ZCCHC17: variants seen among roughly 807,000 people sequenced by gnomAD.
ZCCHC17 encodes the protein zinc finger CCHC-type containing 17.
A neutral mutation model predicts 30.6 loss-of-function variants in ZCCHC17; 18 were observed. The ratio of observed to expected loss-of-function variants is 0.59; its 90% CI spans 0.41 to 0.87. The LOEUF (loss-of-function observed/expected upper bound fraction) is 0.87, where lower values mean the gene tolerates loss of function less well. ZCCHC17 is among the 40% of genes least tolerant of loss of function. The probability of loss-of-function intolerance (pLI) is 0.00; values close to 1 mark genes in which losing one functional copy is unlikely to be tolerated. For missense variants in ZCCHC17, 263 were observed against 284.2 expected, an observed-to-expected ratio of 0.93 and a Z score of 0.54; for synonymous variants, 88 against 92.4, an observed-to-expected ratio of 0.95 and a Z score of 0.27.
chr1:31,299,437 T>C (rs764541287), intron 1 of ZCCHC17, among the ~76,000 whole-genome samples: 3 of 152,264 alleles, frequency 2.0e-5, no homozygotes, highest in South Asian at 4.1e-4. Context: ...TAACCTCTAA[T>C]ATGTCTTCTC....
In ZCCHC17 at chr1:31,319,128, A is replaced by G. The variant is rs771090105; in HGVS notation, c.86A>G (p.Tyr29Cys). The part of the protein sequence containing the change: ...FQGEVAMVTD[Y>C]GAFIKIPGCR... ...TTATAGGTTGCTATGGTGACAGACT[A>G]TGGGGCCTTTATCAAAATCCCAGGC... The change falls in exon 3 of 8, where the codon TAT becomes TGT. Residue 29 changes from tyrosine to cysteine, a missense_variant. Physicochemically the swap from Tyr to Cys is radical, Grantham distance 194 (BLOSUM62 -2). Coordinates refer to ENST00000344147, the MANE Select transcript of ZCCHC17 (RefSeq NM_016505.4). 1.8e-5 allele frequency: 29 copies of G among 1,611,212 alleles called. No individual in the cohort carries two copies. The highest frequency in any genetic ancestry group is 2.1e-5 in the Non-Finnish European group (25 of 1,177,998).
At chr1:31,353,215 C>G (rs1239406045) in intron 7 of ZCCHC17, among the ~76,000 whole-genome samples, 1 of 152,022 alleles carries the variant, frequency 6.6e-6, no homozygotes, top group African/African-American at 2.4e-5. Flanking sequence ...TTTGCATAAG[C>G]TTGTTTATTT....
intron 5 of ZCCHC17, among the ~76,000 whole-genome samples, chr1:31,339,475 T>G (rs1054972846): frequency 1.1e-4 from 16 of 152,162 alleles, no homozygotes; most frequent in Middle Eastern, 3.4e-3. Context: ...GCCACTGCAC[T>G]CCAGCCTGGA....
In ZCCHC17 at chr1:31,301,744, C is replaced by A. The variant is rs556277283; in HGVS notation, c.-56+4669C>A. Among the ~76,000 whole-genome samples the A allele has an allele frequency of 2.0e-5, 3 of 152,212 alleles. No individual in the cohort carries two copies. In the South Asian group the frequency reaches 6.2e-4, roughly 32 times the overall value. ...AATAGGTTTAATTATTTCCATAATT[C>A]CTTTAAGTTTTTACATTTTCTGAGT... On this transcript the variant is annotated intron_variant, in intron 1 of 7. Coordinates refer to ENST00000344147, the MANE Select transcript of ZCCHC17 (RefSeq NM_016505.4).
intron 7 of ZCCHC17, among the ~76,000 whole-genome samples, chr1:31,354,877 T>G: frequency 6.6e-6 from 1 of 152,166 alleles, no homozygotes; most frequent in Middle Eastern, 3.2e-3. Context: ...CATTATTATT[T>G]CTTAAAAGTA....
At chr1:31,309,762 A>C (rs1303741114) in intron 1 of ZCCHC17, among the ~76,000 whole-genome samples, 1 of 152,042 alleles carries the variant, frequency 6.6e-6, no homozygotes, top group African/African-American at 2.4e-5. Flanking sequence ...CCTCCCCCAA[A>C]ATTCTTCCCC....
chr1:31,318,161 T>C, intron 2 of ZCCHC17: 1 of 1,533,074 alleles, frequency 6.5e-7, no homozygotes, highest in South Asian at 1.2e-5. Flanking sequence ...ACTCCCCTTG[T>C]TTTAGTTATG....
intron 4 of ZCCHC17, among the ~76,000 whole-genome samples, chr1:31,338,391 A>G (rs1638904173): frequency 6.6e-6 from 1 of 152,124 alleles, no homozygotes; most frequent in African/African-American, 2.4e-5. Context: ...CTTTGAGGAG[A>G]TAGAATATGA....
chr1:31,297,089 A>C lies in ZCCHC17; in HGVS notation c.-56+14A>C, dbSNP rs1281804616. The stretch of plus-strand genomic sequence containing the variant: ...AGCTGACGCCTAGTACGTATGAGGA[A>C]GAACGGGGTGGGTGGCTGCCTGAGT... On this transcript the variant is annotated intron_variant, in intron 1 of 7. Coordinates refer to ENST00000344147, the MANE Select transcript of ZCCHC17 (RefSeq NM_016505.4). The C allele has an allele frequency of 4.7e-6, 2 of 422,222 alleles. No individual in the cohort carries two copies. The highest frequency in any genetic ancestry group is 8.4e-6 in the Non-Finnish European group (2 of 238,224). The allele number at this position is 422,222 out of a possible 1,614,324, so 26.2% of individuals were successfully genotyped here. A position where few individuals can be genotyped will look rare whatever the true frequency, so the allele number is the denominator to read the frequency against.
chr1:31,325,156 G>A lies in ZCCHC17; in HGVS notation c.124+5990G>A, dbSNP rs145186243. On this transcript the variant is annotated intron_variant, in intron 3 of 7. Transcript: ENST00000344147. ...CTGCAGATAAGAGCTGCCCATTCTGGGTCTCCTCTCTGCTAAGAGCTGCAC... is the reference window on the plus strand; with the variant it reads ...CTGCAGATAAGAGCTGCCCATTCTGAGTCTCCTCTCTGCTAAGAGCTGCAC... 7.9e-5 allele frequency among the ~76,000 whole-genome samples: 12 copies of A among 152,236 alleles called. No individual in the cohort carries two copies. In the East Asian group the frequency reaches 1.5e-3, roughly 20 times the overall value.
intron 7 of ZCCHC17, among the ~76,000 whole-genome samples, chr1:31,363,798 TGGTCC>T (rs1640022779): frequency 1.3e-5 from 2 of 152,082 alleles, no homozygotes; most frequent in Admixed American, 1.3e-4. Context: ...GAAAATTAAG[TGGTCC>T]CCTATTGATT....
In ZCCHC17 at chr1:31,324,734, CA is replaced by C. The variant is rs1638267621; in HGVS notation, c.124+5571del. The stretch of plus-strand genomic sequence containing the variant: ...GTGCCAGTGAGCACAGGAGGGAGGC[CA>C]AAGGGGTGCTGAGGGTGGCTCAGCA... On this transcript the variant is annotated intron_variant, in intron 3 of 7. Coordinates refer to ENST00000344147, the MANE Select transcript of ZCCHC17 (RefSeq NM_016505.4). Among the ~76,000 whole-genome samples, 3 of 152,008 alleles carry C rather than the reference CA, an allele frequency of 2.0e-5. No individual in the cohort carries two copies. The South Asian group carries it at 6.2e-4, about 31-fold the overall frequency.
chr1:31,345,287 G>A (rs1639203684), intron 5 of ZCCHC17, among the ~76,000 whole-genome samples: 1 of 151,404 alleles, frequency 6.6e-6, no homozygotes, highest in African/African-American at 2.4e-5. Flanking sequence ...CTCCCAAGTT[G>A]CTGGGACTAC....
chr1:31,328,864 G>T (rs1638463975), intron 3 of ZCCHC17, among the ~76,000 whole-genome samples: 1 of 152,128 alleles, frequency 6.6e-6, no homozygotes, highest in African/African-American at 2.4e-5. Flanking sequence ...TGGTGGGTGG[G>T]ATTGAAAATT....
chr1:31,321,034 A>C (rs1646848344), intron 3 of ZCCHC17, among the ~76,000 whole-genome samples: 1 of 152,114 alleles, frequency 6.6e-6, no homozygotes, highest in African/African-American at 2.4e-5. Context: ...AATGATGTTA[A>C]GTCTCTTTTC....
intron 2 of ZCCHC17, among the ~76,000 whole-genome samples, chr1:31,313,827 C>G (rs953665888): frequency 2.0e-5 from 3 of 152,044 alleles, no homozygotes; most frequent in Non-Finnish European, 2.9e-5. Flanking sequence ...TGGATCCTAA[C>G]CTACAGCTCG....
At chr1:31,334,337 CTGTGTGTGTG>C (rs59851204) in intron 3 of ZCCHC17, among the ~76,000 whole-genome samples, 4,599 of 85,144 alleles carry the variant, frequency 0.054, 171 homozygotes, top group East Asian at 0.13. Flanking sequence ...CTCTCTCTCT[CTGTGTGTGTG>C]TGTGTGTGTG....
At chr1:31,342,716 C>A (rs1200281838) in intron 5 of ZCCHC17, among the ~76,000 whole-genome samples, 1 of 152,214 alleles carries the variant, frequency 6.6e-6, no homozygotes, top group Non-Finnish European at 1.5e-5. Context: ...TCCTAACAGG[C>A]CATGGACCAG....
In ZCCHC17 at chr1:31,303,873, G is replaced by A. The variant is rs148100618; in HGVS notation, c.-55-6171G>A. Among the ~76,000 whole-genome samples the A allele has an allele frequency of 1.5e-3, 228 of 152,206 alleles. 4 individuals are homozygous for A. The highest frequency in any genetic ancestry group is 0.01 in the Middle Eastern group (3 of 294). On this transcript the variant is annotated intron_variant, in intron 1 of 7. Transcript: ENST00000344147. ...CCTCAGGCCCCACCTCTTGATGCTC[G>A]AGCTCTGACTACCCATTCTGGGCTG...
Sources: gnomAD v4.1 joint callset for allele counts (sites outside exome capture counted in the v4.1 genomes callset) on GRCh38, gnomAD v4.1.1 for gene constraint, MANE v1.5 for transcripts, NCBI Gene and HGNC (gene_info 2026-07-23, HGNC 2026-07-21) for gene names.